EFL1: variants seen among roughly 807,000 people sequenced by gnomAD.
EFL1 encodes elongation factor like GTPase 1.
A neutral mutation model predicts 126.7 loss-of-function variants in EFL1; 76 were observed. That is an observed-to-expected ratio of 0.60 (90% CI 0.50 to 0.73). The LOEUF is 0.73. Ranked by LOEUF, EFL1 falls within the 30% of genes least tolerant of loss-of-function variation. The probability of loss-of-function intolerance (pLI) is 0.00; values close to 1 mark genes in which losing one functional copy is unlikely to be tolerated. For missense variants in EFL1, 1,128 were observed against 1,343.2 expected, an observed-to-expected ratio of 0.84 and a Z score of 2.50; for synonymous variants, 410 against 448.4, an observed-to-expected ratio of 0.91 and a Z score of 1.08.
chr15:82,147,680 G>A (rs1022492195), intron 18 of EFL1, among the ~76,000 whole-genome samples: 1 of 148,614 alleles, frequency 6.7e-6, no homozygotes, highest in African/African-American at 2.5e-5. Context: ...AGAGGGACAG[G>A]AAAAAAAATA....
intron 18 of EFL1, among the ~76,000 whole-genome samples, chr15:82,150,810 T>C (rs2073898373): frequency 6.6e-6 from 1 of 152,218 alleles, no homozygotes; most frequent in African/African-American, 2.4e-5. Flanking sequence ...TCTTTGATCA[T>C]TTTCAGAACA....
intron 17 of EFL1, among the ~76,000 whole-genome samples, chr15:82,156,858 T>A (rs1292132135): frequency 6.6e-6 from 1 of 152,230 alleles, no homozygotes. Flanking sequence ...TAACCATGAA[T>A]ATCTTTCATT....
At chr15:82,249,306 T>C (rs1003999815) in intron 4 of EFL1, among the ~76,000 whole-genome samples, 7 of 151,340 alleles carry the variant, frequency 4.6e-5, no homozygotes, top group East Asian at 3.9e-4. Flanking sequence ...TAAATAAATA[T>C]ATACATTGAA....
intron 17 of EFL1, among the ~76,000 whole-genome samples, chr15:82,154,635 G>GTCTCGT (rs2073947825): frequency 2.0e-5 from 3 of 152,180 alleles, no homozygotes; most frequent in Non-Finnish European, 4.4e-5. Context: ...TTAGCCCTCA[G>GTCTCGT]AGGGCCCCAA....
chr15:82,184,150 A>C (rs2074279640), intron 15 of EFL1, among the ~76,000 whole-genome samples: 1 of 152,234 alleles, frequency 6.6e-6, no homozygotes, highest in South Asian at 2.1e-4. Flanking sequence ...TGCATCTGTT[A>C]GAAAAGTCAT....
intron 18 of EFL1, among the ~76,000 whole-genome samples, chr15:82,139,242 C>T (rs1783072993): frequency 6.6e-6 from 1 of 152,086 alleles, no homozygotes; most frequent in South Asian, 2.1e-4. Flanking sequence ...ATTGACATGG[C>T]AATGATAATT....
chr15:82,139,565 T>C (rs1009733318), intron 18 of EFL1, among the ~76,000 whole-genome samples: 8 of 152,176 alleles, frequency 5.3e-5, no homozygotes, highest in Non-Finnish European at 7.3e-5. Flanking sequence ...TGGTGTTCTG[T>C]ATGAGTGTCT....
At position 82,256,765 on chromosome 15, in the gene EFL1, T is replaced by C. The variant is rs192304885; in HGVS notation, c.159+2323A>G. Among the ~76,000 whole-genome samples, 5 of 152,346 alleles carry C rather than the reference T, an allele frequency of 3.3e-5. No homozygotes were observed. In the East Asian group the frequency reaches 9.6e-4, roughly 29 times the overall value. ...ATCATGATTTTCTTCCTTTAATCCA[T>C]TAATATAGTGAAATTACATGTTAAA... On this transcript the variant is annotated intron_variant, in intron 3 of 19. Coordinates refer to ENST00000268206, the MANE Select transcript of EFL1 (RefSeq NM_024580.6).
chr15:82,202,667 G>A (rs967498036), intron 15 of EFL1, among the ~76,000 whole-genome samples: 2 of 152,072 alleles, frequency 1.3e-5, no homozygotes, highest in Non-Finnish European at 1.5e-5. Flanking sequence ...AGGGCTACAA[G>A]GCTTAAAAGT....
At chr15:82,214,905 T>C in intron 14 of EFL1, 50 bp from the exon 15 acceptor site, 1 of 1,562,638 alleles carries the variant, frequency 6.4e-7, no homozygotes, top group Non-Finnish European at 8.6e-7. Flanking sequence ...TTTGGAAGCA[T>C]TAATTGGTAT....
At chr15:82,140,040 C>T (rs894267902) in intron 18 of EFL1, among the ~76,000 whole-genome samples, 1 of 152,162 alleles carries the variant, frequency 6.6e-6, no homozygotes, top group Admixed American at 6.5e-5. Flanking sequence ...TGTGTCACAA[C>T]GCCTCAAGGA....
chr15:82,252,147 T>A (rs2075027813), intron 4 of EFL1, among the ~76,000 whole-genome samples: 1 of 152,258 alleles, frequency 6.6e-6, no homozygotes, highest in Non-Finnish European at 1.5e-5. Flanking sequence ...TATATCAGTT[T>A]ATTGAACCAT....
chr15:82,217,337 T>C (rs2074657928), intron 14 of EFL1, among the ~76,000 whole-genome samples: 1 of 48,872 alleles, frequency 2.0e-5, no homozygotes, highest in Admixed American at 2.5e-4. Flanking sequence ...TAAGGAGATA[T>C]ATACAAAAAT....
At chr15:82,195,185 A>T (rs2074396589) in intron 15 of EFL1, among the ~76,000 whole-genome samples, 1 of 152,226 alleles carries the variant, frequency 6.6e-6, no homozygotes. Context: ...CAAATGTATT[A>T]TCCAAAAAAC....
intron 17 of EFL1, among the ~76,000 whole-genome samples, chr15:82,156,548 G>A (rs1433954567): frequency 6.6e-6 from 1 of 152,188 alleles, no homozygotes; most frequent in Non-Finnish European, 1.5e-5. Flanking sequence ...CTCCCAAAGT[G>A]CTGGGATTAG....
intron 4 of EFL1, among the ~76,000 whole-genome samples, chr15:82,245,876 A>G (rs2074968143): frequency 6.6e-6 from 1 of 151,278 alleles, no homozygotes; most frequent in African/African-American, 2.4e-5. Context: ...TCTGGGCTGC[A>G]GTGAGCTATG....
chr15:82,131,081 C>T (rs1398468214), intron 19 of EFL1, among the ~76,000 whole-genome samples: 3 of 152,014 alleles, frequency 2.0e-5, no homozygotes, highest in Admixed American at 6.6e-5. Flanking sequence ...TTCAACAAAA[C>T]TTGTAACATA....
At chr15:82,143,324 G>T (rs1214880470) in intron 18 of EFL1, among the ~76,000 whole-genome samples, 1 of 151,992 alleles carries the variant, frequency 6.6e-6, no homozygotes, top group Non-Finnish European at 1.5e-5. Flanking sequence ...CTATCATAAG[G>T]TTACAGTTAT....
At chr15:82,181,836 T>C (rs910347189) in intron 15 of EFL1, among the ~76,000 whole-genome samples, 4 of 152,190 alleles carry the variant, frequency 2.6e-5, no homozygotes, top group Non-Finnish European at 5.9e-5. Context: ...ACACAAGCCT[T>C]TAAATTCTTG....
Sources: gnomAD v4.1 joint callset for allele counts (sites outside exome capture counted in the v4.1 genomes callset) on GRCh38, gnomAD v4.1.1 for gene constraint, MANE v1.5 for transcripts, NCBI Gene and HGNC (gene_info 2026-07-23, HGNC 2026-07-21) for gene names.